PRDM5: variants seen among roughly 807,000 people sequenced by gnomAD.
PRDM5 encodes PR domain zinc finger protein 5.
In PRDM5, 56 loss-of-function variants were observed where a neutral mutation model predicts 81.2. The ratio of observed to expected loss-of-function variants is 0.69; its 90% CI spans 0.56 to 0.86. The LOEUF (loss-of-function observed/expected upper bound fraction) is 0.86, where lower values mean the gene tolerates loss of function less well. Ranked by LOEUF, PRDM5 falls within the 40% of genes least tolerant of loss-of-function variation. The probability of loss-of-function intolerance (pLI) is 0.00; values close to 1 mark genes in which losing one functional copy is unlikely to be tolerated. For missense variants in PRDM5, 697 were observed against 770.1 expected, an observed-to-expected ratio of 0.91 and a Z score of 1.12; for synonymous variants, 267 against 256.4, an observed-to-expected ratio of 1.04 and a Z score of -0.39.
chr4:120,820,409 A>G (rs1400007056), intron 4 of PRDM5, among the ~76,000 whole-genome samples: 1 of 152,252 alleles, frequency 6.6e-6, no homozygotes, highest in African/African-American at 2.4e-5. Context: ...TAACAGCCTG[A>G]AAGGATAAAG....
At chr4:120,770,605 C>G (rs1384961512) in intron 13 of PRDM5, among the ~76,000 whole-genome samples, 1 of 151,718 alleles carries the variant, frequency 6.6e-6, no homozygotes, top group Non-Finnish European at 1.5e-5. Flanking sequence ...AAAGTATGGA[C>G]AGCTGTTTTA....
chr4:120,752,318 TAA>T (rs959494097), intron 14 of PRDM5, among the ~76,000 whole-genome samples: 7 of 152,200 alleles, frequency 4.6e-5, no homozygotes, highest in African/African-American at 1.4e-4. Flanking sequence ...AAAGGAAAAT[TAA>T]AAAAGAGTTT....
chr4:120,784,961 A>G, intron 11 of PRDM5, 37 bp downstream of exon 11: 1 of 1,484,000 alleles, frequency 6.7e-7, no homozygotes, highest in Non-Finnish European at 9.4e-7. Context: ...GTATGAGATA[A>G]TTCCTTATAT....
chr4:120,816,591 A>G lies in PRDM5; in HGVS notation c.744-17T>C, dbSNP rs2149337025. ...TGCTCAAAACTACAAGACAACCAGC[A>G]AAGCGGAACAGGAAGAAATGGTGAA... On this transcript the variant is annotated splice_polypyrimidine_tract_variant and intron_variant, in intron 6 of 15. Coordinates refer to ENST00000264808, the MANE Select transcript of PRDM5 (RefSeq NM_018699.4). 6.2e-7 allele frequency: 1 copy of G among 1,613,998 alleles called. No individual in the cohort carries two copies. The highest frequency in any genetic ancestry group is 8.5e-7 in the Non-Finnish European group (1 of 1,179,930).
chr4:120,913,737 T>C (rs1468541880), intron 1 of PRDM5, among the ~76,000 whole-genome samples: 3 of 152,136 alleles, frequency 2.0e-5, no homozygotes, highest in Non-Finnish European at 2.9e-5. Context: ...TTCTCTCCAG[T>C]AGACTTAGTA....
intron 13 of PRDM5, among the ~76,000 whole-genome samples, chr4:120,766,150 G>C (rs1053203302): frequency 6.6e-6 from 1 of 152,016 alleles, no homozygotes; most frequent in Non-Finnish European, 1.5e-5. Flanking sequence ...AGTAGAGATA[G>C]GGTTTCACCA....
At chr4:120,859,209 C>CT (rs373788259) in intron 2 of PRDM5, among the ~76,000 whole-genome samples, 17,681 of 134,668 alleles carry the variant, frequency 0.13, 1,239 homozygotes, top group East Asian at 0.17. Flanking sequence ...ACCATGTCAA[C>CT]TTTTTTTTTT....
intron 3 of PRDM5, among the ~76,000 whole-genome samples, chr4:120,834,179 T>C (rs575258502): frequency 6.6e-6 from 1 of 152,298 alleles, no homozygotes; most frequent in African/African-American, 2.4e-5. Flanking sequence ...AAGCAGCCTA[T>C]AAGAAATGTT....
chr4:120,919,002 A>G (rs1247420326), intron 1 of PRDM5, among the ~76,000 whole-genome samples: 1 of 152,198 alleles, frequency 6.6e-6, no homozygotes, highest in East Asian at 1.9e-4. Flanking sequence ...AAGCCCAGAG[A>G]CAGGCACTTT....
intron 7 of PRDM5, among the ~76,000 whole-genome samples, chr4:120,811,727 C>A (rs79788161): frequency 3.3e-5 from 5 of 151,876 alleles, no homozygotes; most frequent in African/African-American, 9.7e-5. Context: ...AGCTTATATA[C>A]CTTTTCATAA....
At chr4:120,738,960 G>A (rs1304028555) in intron 14 of PRDM5, among the ~76,000 whole-genome samples, 1 of 152,084 alleles carries the variant, frequency 6.6e-6, no homozygotes, top group East Asian at 1.9e-4. Context: ...GATTGACTGG[G>A]TTCTGCAACA....
chr4:120,794,940 T>C (rs1022137473), intron 10 of PRDM5, among the ~76,000 whole-genome samples: 2 of 152,124 alleles, frequency 1.3e-5, no homozygotes, highest in African/African-American at 4.8e-5. Context: ...ATTCTATTTT[T>C]TAATGGCCAG....
At chr4:120,904,145 G>A (rs918447153) in intron 2 of PRDM5, among the ~76,000 whole-genome samples, 28 of 125,408 alleles carry the variant, frequency 2.2e-4, no homozygotes, top group Non-Finnish European at 3.8e-4. Context: ...AGCTGAGATC[G>A]TGCCACTGCA....
chr4:120,726,255 T>C (rs1213921178), intron 14 of PRDM5, among the ~76,000 whole-genome samples: 1 of 152,236 alleles, frequency 6.6e-6, no homozygotes, highest in African/African-American at 2.4e-5. Flanking sequence ...TAAGAAATCA[T>C]CCAACCCATT....
intron 14 of PRDM5, among the ~76,000 whole-genome samples, chr4:120,741,120 A>C (rs565973585): frequency 2.0e-5 from 3 of 152,042 alleles, no homozygotes; most frequent in Non-Finnish European, 4.4e-5. Context: ...CTGTTTCCTA[A>C]GCTTTTTATG....
intron 2 of PRDM5, among the ~76,000 whole-genome samples, chr4:120,875,043 G>A (rs868364946): frequency 6.6e-6 from 1 of 152,168 alleles, no homozygotes; most frequent in Non-Finnish European, 1.5e-5. Context: ...CTTTTCTGAT[G>A]GGCGGTGGAC....
chr4:120,824,167 T>C (rs1325612017), intron 3 of PRDM5, among the ~76,000 whole-genome samples: 3 of 152,184 alleles, frequency 2.0e-5, no homozygotes, highest in African/African-American at 7.2e-5. Flanking sequence ...GCAACACAAA[T>C]GGACTAAGAC....
Position 120,692,348 on chromosome 4 carries a change from C to T in PRDM5, c.*2763G>A, listed in dbSNP as rs999503448. ...GTATATGCACTGCATATAAGTGATA[C>T]TCTTCAGACACACACACACAGACAC... On this transcript the variant is annotated 3_prime_UTR_variant, in exon 16 of 16. Coordinates refer to ENST00000264808, the MANE Select transcript of PRDM5 (RefSeq NM_018699.4). The T allele has an allele frequency of 2.6e-5, 4 of 151,904 alleles. No individual in the cohort carries two copies. Among genetic ancestry groups the T allele is most frequent in the Admixed American group, 2.0e-4 (3 of 15,208 alleles). The allele number at this position is 151,904 out of a possible 1,614,324, so 9.4% of individuals were successfully genotyped here.
intron 2 of PRDM5, among the ~76,000 whole-genome samples, chr4:120,861,457 G>T (rs138772401): frequency 6.6e-6 from 1 of 152,210 alleles, no homozygotes; most frequent in East Asian, 1.9e-4. Flanking sequence ...TAAAGCAATG[G>T]CAATATCCCA....
Sources: allele counts gnomAD v4.1 joint callset (sites outside exome capture counted in the v4.1 genomes callset), GRCh38; gene constraint gnomAD v4.1.1; transcripts MANE v1.5; gene names NCBI Gene and HGNC (gene_info 2026-07-23, HGNC 2026-07-21).